Variants in DLGAP1 observed in about 807,000 individuals in gnomAD.
DLGAP1 encodes disks large-associated protein 1.
A neutral mutation model predicts 90.8 loss-of-function variants in DLGAP1; 11 were observed. The ratio of observed to expected loss-of-function variants is 0.12; its 90% CI spans 0.08 to 0.20. The LOEUF (loss-of-function observed/expected upper bound fraction) is 0.20. Among genes scored for constraint, DLGAP1 ranks in the 10% least tolerant of loss-of-function variants. DLGAP1 has a pLI of 1.00. For missense variants in DLGAP1, 1,050 were observed against 1,333.8 expected (o/e 0.79, Z 3.31); for synonymous variants, 558 against 540.7 (o/e 1.03, Z -0.44).
chr18:4,214,656 GTTCACC>G (rs2077915208), intron 1 of DLGAP1, among the ~76,000 whole-genome samples: 1 of 152,086 alleles, frequency 6.6e-6, no homozygotes, highest in Non-Finnish European at 1.5e-5. Flanking sequence ...TATTAAAATA[GTTCACC>G]CTCCTTAACA....
intron 4 of DLGAP1, among the ~76,000 whole-genome samples, chr18:3,877,905 T>C (rs1042644256): frequency 3.3e-5 from 5 of 152,218 alleles, no homozygotes; most frequent in Admixed American, 2.6e-4. Context: ...GTGTGTCGTG[T>C]ATGAAAACTG....
chr18:3,772,386 T>C lies in DLGAP1; in HGVS notation c.1173-29874A>G, dbSNP rs1470647710. 1.4e-3 allele frequency among the ~76,000 whole-genome samples: 13 copies of C among 9,624 alleles called. 2 individuals carry two copies. The South Asian group carries it at 0.028, about 20-fold the overall frequency. The allele number at this position is 9,624 out of a possible 152,430, so 6.3% of individuals were successfully genotyped here. ...TTTCTTTCTTTCTTTCTTTCTTTCT[T>C]TCTTTCTTTCTTTCTTTCTTTCTCT... On this transcript the variant is annotated intron_variant, in intron 5 of 12. Coordinates refer to ENST00000315677, the MANE Select transcript of DLGAP1 (RefSeq NM_004746.4).
intron 1 of DLGAP1, among the ~76,000 whole-genome samples, chr18:4,153,226 T>A (rs1351208028): frequency 6.6e-6 from 1 of 152,236 alleles, no homozygotes; most frequent in African/African-American, 2.4e-5. Flanking sequence ...GAAATTTGCA[T>A]TAAAATACAA....
At position 4,320,473 on chromosome 18, in the gene DLGAP1, C is replaced by G. The variant is rs75477000; in HGVS notation, c.-267+134533G>C. 3.1e-3 allele frequency among the ~76,000 whole-genome samples: 468 copies of G among 152,266 alleles called. 5 individuals are homozygous for G. The highest frequency in any genetic ancestry group is 0.011 in the African/African-American group (452 of 41,540). On this transcript the variant is annotated intron_variant, in intron 1 of 12. Transcript: ENST00000315677. ...TTCTCTTTAACACAGCCCCACAGTA[C>G]ACTGTGACTCTCTTCTTAGCCAAAG...
chr18:4,345,406 A>T lies in DLGAP1; in HGVS notation c.-267+109600T>A, dbSNP rs146799466. Among the ~76,000 whole-genome samples the T allele has an allele frequency of 6.6e-3, 1,007 of 152,340 alleles. 9 individuals are homozygous for T. The highest frequency in any genetic ancestry group is 0.013 in the Admixed American group (197 of 15,300). On this transcript the variant is annotated intron_variant, in intron 1 of 12. Transcript: ENST00000315677. ...GGAAAAGATACATGGAAGTAAACTT[A>T]TATGCACTAGCAGTACATGTAAGGG... is the stretch of plus-strand genomic sequence containing the variant.
intron 1 of DLGAP1, among the ~76,000 whole-genome samples, chr18:4,416,708 T>A (rs1380323619): frequency 1.3e-5 from 2 of 152,202 alleles, no homozygotes; most frequent in Non-Finnish European, 2.9e-5. Flanking sequence ...AAGACCAATA[T>A]GAGATGCTAT....
At chr18:4,333,246 C>A (rs2143752658) in intron 1 of DLGAP1, among the ~76,000 whole-genome samples, 1 of 151,468 alleles carries the variant, frequency 6.6e-6, no homozygotes, top group African/African-American at 2.5e-5. Context: ...CTGCTCATCC[C>A]AGATGGCCTC....
intron 1 of DLGAP1, among the ~76,000 whole-genome samples, chr18:4,192,641 A>C (rs908079395): frequency 2.6e-5 from 4 of 152,158 alleles, no homozygotes; most frequent in African/African-American, 9.7e-5. Context: ...CCTGAGAGGG[A>C]TTAACATTAA....
intron 1 of DLGAP1, among the ~76,000 whole-genome samples, chr18:4,380,366 C>G (rs558125477): frequency 2.6e-5 from 4 of 152,286 alleles, no homozygotes; most frequent in Admixed American, 2.0e-4. Context: ...AGAGGGGAGT[C>G]CTGGGCATTT....
At chr18:3,695,990 G>T (rs2061078465) in intron 7 of DLGAP1, among the ~76,000 whole-genome samples, 1 of 152,012 alleles carries the variant, frequency 6.6e-6, no homozygotes, top group Admixed American at 6.6e-5. Flanking sequence ...CTCATGATTT[G>T]GCTCTCTGTC....
At chr18:3,548,009 G>C (rs1426821624) in intron 9 of DLGAP1, among the ~76,000 whole-genome samples, 1 of 152,148 alleles carries the variant, frequency 6.6e-6, no homozygotes, top group African/African-American at 2.4e-5. Context: ...GCCACATATT[G>C]TATGATTCAA....
intron 3 of DLGAP1, among the ~76,000 whole-genome samples, chr18:3,888,348 C>A (rs1175280154): frequency 6.6e-6 from 1 of 152,038 alleles, no homozygotes; most frequent in Non-Finnish European, 1.5e-5. Flanking sequence ...TGAATAAGCA[C>A]ATTCTGAAAT....
At chr18:4,393,479 C>T (rs2082378733) in intron 1 of DLGAP1, among the ~76,000 whole-genome samples, 1 of 152,130 alleles carries the variant, frequency 6.6e-6, no homozygotes, top group Non-Finnish European at 1.5e-5. Flanking sequence ...CATTTGGGTC[C>T]CATGTCAAAT....
At chr18:3,945,523 TA>T (rs1368161649) in intron 3 of DLGAP1, among the ~76,000 whole-genome samples, 1 of 152,156 alleles carries the variant, frequency 6.6e-6, no homozygotes, top group African/African-American at 2.4e-5. Flanking sequence ...AAAATCAGGT[TA>T]AAGTGAATGT....
At chr18:4,424,764 T>C (rs1450842384) in intron 1 of DLGAP1, among the ~76,000 whole-genome samples, 1 of 152,148 alleles carries the variant, frequency 6.6e-6, no homozygotes, top group Non-Finnish European at 1.5e-5. Flanking sequence ...CATGATTTTT[T>C]TCTTTTTGTT....
At chr18:4,333,525 A>G (rs139124027) in intron 1 of DLGAP1, among the ~76,000 whole-genome samples, 259 of 151,668 alleles carry the variant, frequency 1.7e-3, no homozygotes, top group Admixed American at 3.2e-3. Context: ...ATAATGGACC[A>G]TATCTTTAGA....
chr18:4,403,427 T>C (rs1020914), intron 1 of DLGAP1, among the ~76,000 whole-genome samples: 69,546 of 151,996 alleles, frequency 0.46, 17,180 homozygotes, highest in East Asian at 0.68. Context: ...TAATAATGCT[T>C]AATGTTATCT....
intron 1 of DLGAP1, among the ~76,000 whole-genome samples, chr18:4,359,076 A>C (rs73941471): frequency 0.06 from 9,172 of 152,298 alleles, 327 homozygotes; most frequent in Middle Eastern, 0.099. Flanking sequence ...ACAGTGATCT[A>C]ATTTATGTTT....
chr18:4,072,149 G>A (rs1253509310), intron 2 of DLGAP1, among the ~76,000 whole-genome samples: 1 of 151,862 alleles, frequency 6.6e-6, no homozygotes, highest in East Asian at 1.9e-4. Context: ...TAGATGTTAA[G>A]CAGTATAAAG....
Sources: allele counts gnomAD v4.1 joint callset (sites outside exome capture counted in the v4.1 genomes callset), GRCh38; gene constraint gnomAD v4.1.1; transcripts MANE v1.5; gene names NCBI Gene and HGNC (gene_info 2026-07-23, HGNC 2026-07-21).